RGS7: variants seen among roughly 807,000 people sequenced by gnomAD.
The protein encoded by RGS7 is regulator of G protein signaling 7.
A neutral mutation model predicts 81.1 loss-of-function variants in RGS7; 27 were observed. That is an observed-to-expected ratio of 0.33 (90% confidence interval 0.25 to 0.46). The LOEUF (loss-of-function observed/expected upper bound fraction) is 0.46, where lower values mean the gene tolerates loss of function less well. Ranked by LOEUF, RGS7 falls within the 20% of genes least tolerant of loss-of-function variation. The pLI, the probability that RGS7 is intolerant of heterozygous loss-of-function variation, is 1.00. For missense variants in RGS7, 396 were observed against 607.4 expected, an observed-to-expected ratio of 0.65 and a Z score of 3.66; for synonymous variants, 208 against 207.7, an observed-to-expected ratio of 1.00 and a Z score of -0.01.
At chr1:240,899,739 T>C (rs574954587) in intron 6 of RGS7, among the ~76,000 whole-genome samples, 3 of 152,170 alleles carry the variant, frequency 2.0e-5, no homozygotes, top group Non-Finnish European at 4.4e-5. Context: ...CATTTCAACT[T>C]TGGTGAATCT....
chr1:241,332,544 T>G (rs1049690037), intron 2 of RGS7, among the ~76,000 whole-genome samples: 2 of 152,192 alleles, frequency 1.3e-5, no homozygotes, highest in Non-Finnish European at 2.9e-5. Context: ...AATTCTGGCA[T>G]GCGGGAGAGG....
intron 2 of RGS7, among the ~76,000 whole-genome samples, chr1:241,220,935 G>GAAGA: frequency 6.9e-6 from 1 of 145,150 alleles, no homozygotes; most frequent in South Asian, 2.2e-4. Context: ...AGGAAGAAAG[G>GAAGA]AAGGAAGGAA....
chr1:241,018,638 G>A (rs575887213), intron 3 of RGS7, among the ~76,000 whole-genome samples: 17 of 152,076 alleles, frequency 1.1e-4, no homozygotes, highest in African/African-American at 3.4e-4. Context: ...TTGGTGTGAC[G>A]GTAAGGTGGA....
At chr1:241,260,585 G>A (rs1288499720) in intron 2 of RGS7, among the ~76,000 whole-genome samples, 4 of 152,076 alleles carry the variant, frequency 2.6e-5, no homozygotes, top group Non-Finnish European at 1.5e-5. Context: ...CTCAGTTTTT[G>A]TGTGTAGACC....
intron 3 of RGS7, among the ~76,000 whole-genome samples, chr1:240,997,648 A>G (rs1291977798): frequency 6.6e-6 from 1 of 152,136 alleles, no homozygotes; most frequent in African/African-American, 2.4e-5. Flanking sequence ...AACATGGGGA[A>G]ACCCCATCTC....
chr1:240,959,820 A>G (rs958934836), intron 4 of RGS7, among the ~76,000 whole-genome samples: 1 of 152,176 alleles, frequency 6.6e-6, no homozygotes, highest in East Asian at 1.9e-4. Context: ...CTACCAGTCC[A>G]TATTTTAAAA....
In RGS7 at chr1:240,878,896, T is replaced by A. The variant is rs117903100; in HGVS notation, c.386-8777A>T. On this transcript the variant is annotated intron_variant, in intron 6 of 18. Coordinates refer to ENST00000440928, the MANE Select transcript of RGS7 (RefSeq NM_001364886.1). ...TCACATTGATTAGTCATATCCCTAT[T>A]ACTAAATACACAAGTTTTTTTTCTT... is the stretch of plus-strand genomic sequence containing the variant. Among the ~76,000 whole-genome samples, 205 of 152,318 alleles carry A rather than the reference T, an allele frequency of 1.3e-3. 4 individuals are homozygous for A. In the East Asian group the frequency reaches 0.036, roughly 27 times the overall value.
At chr1:240,867,179 G>C (rs1024437864) in intron 9 of RGS7, among the ~76,000 whole-genome samples, 2 of 152,126 alleles carry the variant, frequency 1.3e-5, no homozygotes, top group African/African-American at 4.8e-5. Flanking sequence ...TCAAAAGAGA[G>C]AACAAATTCA....
chr1:241,107,462 A>G (rs1484993769), intron 2 of RGS7, among the ~76,000 whole-genome samples: 1 of 152,192 alleles, frequency 6.6e-6, no homozygotes, highest in Non-Finnish European at 1.5e-5. Flanking sequence ...ATAAGAGTCT[A>G]TTACTCCTCC....
chr1:240,945,738 T>C (rs1205374469), intron 4 of RGS7, among the ~76,000 whole-genome samples: 2 of 152,188 alleles, frequency 1.3e-5, no homozygotes, highest in Non-Finnish European at 2.9e-5. Context: ...TTGAGAAAAG[T>C]GTGTAGGACG....
At chr1:240,837,562 G>A (rs1317554416) in intron 9 of RGS7, among the ~76,000 whole-genome samples, 1 of 152,152 alleles carries the variant, frequency 6.6e-6, no homozygotes, top group Non-Finnish European at 1.5e-5. Context: ...AGGATTCCTG[G>A]TCTGTGGGCT....
intron 2 of RGS7, among the ~76,000 whole-genome samples, chr1:241,184,914 C>G (rs2071958553): frequency 6.6e-6 from 1 of 152,148 alleles, no homozygotes; most frequent in Admixed American, 6.5e-5. Context: ...AACAGCAGTT[C>G]ATAGAAGTTT....
At chr1:241,071,963 T>C (rs560575979) in intron 3 of RGS7, among the ~76,000 whole-genome samples, 43 of 152,132 alleles carry the variant, frequency 2.8e-4, no homozygotes, top group African/African-American at 9.6e-4. Flanking sequence ...TTTTGTCTTA[T>C]TGAAAAATTT....
At chr1:241,084,482 A>T (rs1312424315) in intron 3 of RGS7, among the ~76,000 whole-genome samples, 1 of 152,214 alleles carries the variant, frequency 6.6e-6, no homozygotes, top group Admixed American at 6.5e-5. Context: ...TTCCTTTGTT[A>T]TCAAACTTGC....
intron 2 of RGS7, among the ~76,000 whole-genome samples, chr1:241,226,827 C>T (rs1219685436): frequency 6.6e-6 from 1 of 152,182 alleles, no homozygotes; most frequent in African/African-American, 2.4e-5. Flanking sequence ...TTATTCTCCA[C>T]ACAGGTGTTT....
At chr1:240,810,302 G>A (rs188101210) in intron 14 of RGS7, among the ~76,000 whole-genome samples, 6 of 152,082 alleles carry the variant, frequency 3.9e-5, no homozygotes, top group African/African-American at 1.4e-4. Flanking sequence ...GGCTGGTAAG[G>A]CTTATTACTT....
chr1:241,116,264 A>C (rs1227703242), intron 2 of RGS7, among the ~76,000 whole-genome samples: 4 of 152,182 alleles, frequency 2.6e-5, no homozygotes, highest in Non-Finnish European at 4.4e-5. Context: ...ACAGATACAA[A>C]AATAAATAGA....
chr1:240,993,170 A>T (rs1318935385), intron 3 of RGS7, among the ~76,000 whole-genome samples: 1 of 150,370 alleles, frequency 6.7e-6, no homozygotes, highest in East Asian at 1.9e-4. Flanking sequence ...GAAGGGAGGG[A>T]AAGAAAGAAG....
At chr1:240,941,877 A>C (rs1677642994) in intron 4 of RGS7, among the ~76,000 whole-genome samples, 1 of 151,042 alleles carries the variant, frequency 6.6e-6, no homozygotes. Flanking sequence ...ACGGCACACC[A>C]GATGGCCCAG....
Sources: allele counts gnomAD v4.1 joint callset (sites outside exome capture counted in the v4.1 genomes callset), GRCh38; gene constraint gnomAD v4.1.1; transcripts MANE v1.5; gene names NCBI Gene and HGNC (gene_info 2026-07-23, HGNC 2026-07-21).